SGCD: variants seen among roughly 807,000 people sequenced by gnomAD.
SGCD encodes sarcoglycan delta.
SGCD carries 18 observed loss-of-function variants against 36.6 expected under a neutral mutation model. The ratio of observed to expected loss-of-function variants is 0.49; its 90% CI spans 0.34 to 0.73. The LOEUF (loss-of-function observed/expected upper bound fraction) is 0.73. Ranked by LOEUF, SGCD falls within the 30% of genes least tolerant of loss-of-function variation. The pLI is 0.01. For synonymous variants in SGCD, 133 were observed against 130.6 expected, an observed-to-expected ratio of 1.02 and a Z score of -0.12; for missense variants, 387 against 346.7, an observed-to-expected ratio of 1.12 and a Z score of -0.92.
intron 3 of SGCD, among the ~76,000 whole-genome samples, chr5:156,474,816 A>T (rs937511698): frequency 1.3e-5 from 2 of 152,140 alleles, no homozygotes; most frequent in African/African-American, 4.8e-5. Flanking sequence ...TTAGGATGGG[A>T]TTAACTTGAT....
At chr5:156,728,341 C>T (rs1755878525) in intron 7 of SGCD, among the ~76,000 whole-genome samples, 1 of 151,708 alleles carries the variant, frequency 6.6e-6, no homozygotes, top group Non-Finnish European at 1.5e-5. Context: ...GGCAAAATCC[C>T]GTCTCTACCA....
At chr5:155,772,906 T>G in the SGCD span, among the ~76,000 whole-genome samples, 1 of 152,252 alleles carries the variant, frequency 6.6e-6, no homozygotes, top group South Asian at 2.1e-4. Flanking sequence ...ACTACGTAAA[T>G]CAAGTCAACA....
chr5:155,786,169 C>T, the SGCD span, among the ~76,000 whole-genome samples: 1 of 152,152 alleles, frequency 6.6e-6, no homozygotes, highest in East Asian at 1.9e-4. Context: ...TTTGCCAGAG[C>T]TCATTCTGTT....
intron 3 of SGCD, among the ~76,000 whole-genome samples, chr5:156,485,895 G>T (rs1050608421): frequency 6.6e-6 from 1 of 152,086 alleles, no homozygotes. Context: ...CAGAGAAAAG[G>T]TGAGAGATCC....
At chr5:156,468,371 A>ATTGT in intron 3 of SGCD, among the ~76,000 whole-genome samples, 1 of 150,794 alleles carries the variant, frequency 6.6e-6, no homozygotes, top group South Asian at 2.1e-4. Flanking sequence ...AAGATTATAA[A>ATTGT]TTGTTTATGG....
intron 7 of SGCD, among the ~76,000 whole-genome samples, chr5:156,723,661 C>A (rs150619866): frequency 5.9e-5 from 9 of 152,150 alleles, no homozygotes. Context: ...GCTTGACTTG[C>A]GCTCTTGAGG....
intron 3 of SGCD, among the ~76,000 whole-genome samples, chr5:156,362,332 T>A (rs1271242972): frequency 6.6e-6 from 1 of 152,210 alleles, no homozygotes; most frequent in East Asian, 1.9e-4. Flanking sequence ...CAATAAAGGT[T>A]GAGTGTTCAA....
At chr5:155,909,033 A>G (rs1172159155) in intron 1 of SGCD, among the ~76,000 whole-genome samples, 4 of 152,084 alleles carry the variant, frequency 2.6e-5, no homozygotes, top group Admixed American at 2.6e-4. Context: ...AAGAAGCATG[A>G]TTTCATGTTT....
intron 3 of SGCD, among the ~76,000 whole-genome samples, chr5:156,350,479 T>C (rs1242760970): frequency 6.6e-6 from 1 of 151,954 alleles, no homozygotes; most frequent in Non-Finnish European, 1.5e-5. Flanking sequence ...TTTTTGTCAG[T>C]CTTGCATTCT....
intron 8 of SGCD, among the ~76,000 whole-genome samples, chr5:156,758,442 G>T (rs1425059178): frequency 6.6e-6 from 1 of 151,282 alleles, no homozygotes; most frequent in Non-Finnish European, 1.5e-5. Context: ...AATGAGAGAG[G>T]TTATCAGTCT....
chr5:156,585,645 C>A (rs895945992), intron 4 of SGCD, among the ~76,000 whole-genome samples: 30 of 152,134 alleles, frequency 2.0e-4, no homozygotes, highest in African/African-American at 7.2e-4. Flanking sequence ...GTGAGAGGAC[C>A]CATGGACTAT....
chr5:156,179,776 A>G (rs968808803), intron 3 of SGCD, among the ~76,000 whole-genome samples: 2 of 151,996 alleles, frequency 1.3e-5, no homozygotes, highest in African/African-American at 4.8e-5. Flanking sequence ...AGTACCTGCC[A>G]CCATGCCCAG....
At chr5:156,106,428 G>C (rs1761651450) in intron 1 of SGCD, among the ~76,000 whole-genome samples, 1 of 152,186 alleles carries the variant, frequency 6.6e-6, no homozygotes, top group African/African-American at 2.4e-5. Context: ...TTCTCCCTGA[G>C]ATGTGAAGCA....
chr5:156,124,742 TAG>T (rs1447967163), intron 3 of SGCD, among the ~76,000 whole-genome samples: 1 of 151,892 alleles, frequency 6.6e-6, no homozygotes, highest in Non-Finnish European at 1.5e-5. Flanking sequence ...TATATATAGA[TAG>T]AGTGTTGGGG....
intron 1 of SGCD, among the ~76,000 whole-genome samples, chr5:155,931,329 A>G (rs2113391555): frequency 6.6e-6 from 1 of 152,264 alleles, no homozygotes; most frequent in South Asian, 2.1e-4. Flanking sequence ...TGAAGTAAGT[A>G]TTTTATTCAA....
At chr5:156,465,717 C>T (rs781666194) in intron 3 of SGCD, among the ~76,000 whole-genome samples, 2 of 152,188 alleles carry the variant, frequency 1.3e-5, no homozygotes, top group Admixed American at 6.5e-5. Flanking sequence ...AGAGGCTTAC[C>T]TTCAGGCTCG....
chr5:156,749,166 A>G (rs1757058184), intron 7 of SGCD, among the ~76,000 whole-genome samples: 1 of 152,178 alleles, frequency 6.6e-6, no homozygotes, highest in Non-Finnish European at 1.5e-5. Context: ...AATACTAGAA[A>G]TCTATACTAA....
chr5:155,776,907 A>G, the SGCD span, among the ~76,000 whole-genome samples: 2 of 152,282 alleles, frequency 1.3e-5, no homozygotes, highest in African/African-American at 4.8e-5. Context: ...AGCTTATGGG[A>G]CAAATGGGGT....
the SGCD span, among the ~76,000 whole-genome samples, chr5:155,790,105 C>T: frequency 8.6e-5 from 13 of 151,828 alleles, no homozygotes; most frequent in African/African-American, 2.7e-4. Flanking sequence ...TGAAACAAAC[C>T]CGTACAATTC....
Sources: gnomAD v4.1 joint callset for allele counts (sites outside exome capture counted in the v4.1 genomes callset) on GRCh38, gnomAD v4.1.1 for gene constraint, MANE v1.5 for transcripts, NCBI Gene and HGNC (gene_info 2026-07-23, HGNC 2026-07-21) for gene names.